The following LEKR1 variants were observed in gnomAD, a reference collection of about 807,000 sequenced individuals.
LEKR1 encodes protein LEKR1.
LEKR1 carries 59 observed loss-of-function variants against 72.4 expected under a neutral mutation model. The observed-to-expected ratio is 0.82, with a 90% CI of 0.66 to 1.01. The LOEUF (loss-of-function observed/expected upper bound fraction) is 1.01, where lower values mean the gene tolerates loss of function less well. Among genes scored for constraint, LEKR1 ranks in the 50% least tolerant of loss-of-function variants. The probability of loss-of-function intolerance (pLI) is 0.00; values close to 1 mark genes in which losing one functional copy is unlikely to be tolerated. For synonymous variants in LEKR1, 257 were observed against 263.2 expected, an observed-to-expected ratio of 0.98 and a Z score of 0.23; for missense variants, 728 against 759.2, an observed-to-expected ratio of 0.96 and a Z score of 0.48.
chr3:156,966,968 A>T (rs1288628188), intron 6 of LEKR1, among the ~76,000 whole-genome samples: 1 of 152,226 alleles, frequency 6.6e-6, no homozygotes, highest in African/African-American at 2.4e-5. Context: ...TTTGCTGCCC[A>T]CAAATATATG....
intron 1 of LEKR1, among the ~76,000 whole-genome samples, chr3:156,828,408 C>T (rs1306274369): frequency 6.6e-6 from 1 of 152,160 alleles, no homozygotes; most frequent in Non-Finnish European, 1.5e-5. Context: ...CACTAACTCC[C>T]ACCTCTCATC....
At chr3:156,999,366 T>C (rs1332326514) in intron 9 of LEKR1, among the ~76,000 whole-genome samples, 1 of 152,110 alleles carries the variant, frequency 6.6e-6, no homozygotes, top group Non-Finnish European at 1.5e-5. Flanking sequence ...GCTTTCTCAT[T>C]TTCTTTCTAT....
At chr3:156,852,124 C>G (rs534648533) in intron 2 of LEKR1, 1 of 152,212 alleles carries the variant, frequency 6.6e-6, no homozygotes, top group Non-Finnish European at 1.5e-5. Flanking sequence ...CCAGCTTCTC[C>G]GCATATCAGC....
At chr3:157,035,427 A>G (rs1734892028) in intron 12 of LEKR1, among the ~76,000 whole-genome samples, 1 of 152,216 alleles carries the variant, frequency 6.6e-6, no homozygotes, top group South Asian at 2.1e-4. Context: ...GCAAAACTGA[A>G]TGAGAAAAGG....
At chr3:156,927,923 A>G (rs1057269906) in intron 5 of LEKR1, among the ~76,000 whole-genome samples, 1 of 151,992 alleles carries the variant, frequency 6.6e-6, no homozygotes, top group Non-Finnish European at 1.5e-5. Context: ...CTTCTTATAG[A>G]TAACAACTTT....
chr3:156,891,151 C>T (rs11712111), intron 3 of LEKR1, among the ~76,000 whole-genome samples: 64,679 of 151,580 alleles, frequency 0.43, 16,019 homozygotes, highest in East Asian at 0.73. Context: ...GGATTACAGG[C>T]GTGAGGCACT....
intron 5 of LEKR1, among the ~76,000 whole-genome samples, chr3:156,933,645 A>G (rs551651997): frequency 5.7e-4 from 87 of 152,278 alleles, no homozygotes; most frequent in African/African-American, 2.0e-3. Context: ...AGAATTGGAG[A>G]GACATCAGCT....
rs1395294476 is a variant in LEKR1, at chr3:156,952,852, A to AAC, written c.745+10140_745+10141dup. 2.0e-5 allele frequency among the ~76,000 whole-genome samples: 3 copies of AAC among 151,452 alleles called. No individual in the cohort carries two copies. In the East Asian group the frequency reaches 5.8e-4, roughly 29 times the overall value. ...GGTTAAATAAATTGTGCAGTATTCA[A>AAC]ACAGTAGAGTCCATATAGCCATAGA... is the stretch of plus-strand genomic sequence containing the variant. On this transcript the variant is annotated intron_variant, in intron 6 of 12. Coordinates refer to ENST00000356539, the MANE Select transcript of LEKR1 (RefSeq NM_001004316.3).
At chr3:156,983,278 T>A (rs1415773480) in intron 7 of LEKR1, among the ~76,000 whole-genome samples, 1 of 152,126 alleles carries the variant, frequency 6.6e-6, no homozygotes, top group Non-Finnish European at 1.5e-5. Context: ...CTGGTGGGCA[T>A]GGGATAGACA....
At chr3:156,976,699 TATC>T (rs1299073223) in intron 6 of LEKR1, among the ~76,000 whole-genome samples, 1 of 152,148 alleles carries the variant, frequency 6.6e-6, no homozygotes, top group African/African-American at 2.4e-5. Context: ...TTATGGACAA[TATC>T]ATATTCTCTT....
At chr3:157,036,830 A>G (rs951773711) in intron 12 of LEKR1, among the ~76,000 whole-genome samples, 2 of 152,180 alleles carry the variant, frequency 1.3e-5, no homozygotes, top group Non-Finnish European at 2.9e-5. Flanking sequence ...GATAGCTTAC[A>G]TGGGGTGTTT....
intron 3 of LEKR1, among the ~76,000 whole-genome samples, chr3:156,873,793 AT>A (rs1040275466): frequency 6.6e-6 from 1 of 151,564 alleles, no homozygotes; most frequent in Non-Finnish European, 1.5e-5. Flanking sequence ...TAGTTAGGAG[AT>A]TTTTTCTTTC....
At chr3:157,034,085 T>C (rs1030848822) in intron 12 of LEKR1, among the ~76,000 whole-genome samples, 1 of 152,060 alleles carries the variant, frequency 6.6e-6, no homozygotes, top group Non-Finnish European at 1.5e-5. Flanking sequence ...ATATTGCTTC[T>C]CATTGACAAT....
intron 3 of LEKR1, among the ~76,000 whole-genome samples, chr3:156,855,490 G>T (rs967614351): frequency 1.3e-5 from 2 of 152,056 alleles, no homozygotes; most frequent in African/African-American, 2.4e-5. Flanking sequence ...TTGTTTATTT[G>T]TAGGTGCTTT....
intron 9 of LEKR1, among the ~76,000 whole-genome samples, chr3:157,000,985 T>C (rs1731971341): frequency 6.6e-6 from 1 of 152,198 alleles, no homozygotes; most frequent in African/African-American, 2.4e-5. Flanking sequence ...CACATCTCCT[T>C]CCTGCTACAT....
intron 2 of LEKR1, among the ~76,000 whole-genome samples, chr3:156,841,576 T>C (rs1312051579): frequency 6.6e-6 from 1 of 152,170 alleles, no homozygotes; most frequent in Non-Finnish European, 1.5e-5. Context: ...AAAGTGCAGC[T>C]TTGCACTTTT....
intron 12 of LEKR1, among the ~76,000 whole-genome samples, chr3:157,039,358 C>T (rs1416501340): frequency 6.6e-6 from 1 of 152,186 alleles, no homozygotes; most frequent in East Asian, 1.9e-4. Flanking sequence ...TGGTGGCTCA[C>T]GCCTATAACC....
intron 3 of LEKR1, among the ~76,000 whole-genome samples, chr3:156,877,643 T>C (rs1262400891): frequency 1.3e-5 from 2 of 152,220 alleles, no homozygotes; most frequent in African/African-American, 4.8e-5. Context: ...GTTTTGTATT[T>C]CAGTTGTATT....
intron 10 of LEKR1, among the ~76,000 whole-genome samples, chr3:157,023,030 T>C (rs1733950354): frequency 6.6e-6 from 1 of 152,194 alleles, no homozygotes; most frequent in Non-Finnish European, 1.5e-5. Context: ...TTTTATTTAA[T>C]GTAAAGGGCT....
Sources: allele counts gnomAD v4.1 joint callset (sites outside exome capture counted in the v4.1 genomes callset), GRCh38; gene constraint gnomAD v4.1.1; transcripts MANE v1.5; gene names NCBI Gene and HGNC (gene_info 2026-07-23, HGNC 2026-07-21).